The following LRRC41 variants were observed in gnomAD, a reference collection of about 807,000 sequenced individuals.
The protein encoded by LRRC41 is leucine rich repeat containing 41.
LRRC41 carries 17 observed loss-of-function variants against 72.1 expected under a neutral mutation model. The observed-to-expected ratio is 0.24, with a 90% confidence interval of 0.16 to 0.35. The LOEUF is 0.35. Among genes scored for constraint, LRRC41 ranks in the 10% least tolerant of loss-of-function variants. The pLI is 1.00. For missense variants in LRRC41, 759 were observed against 1,065.0 expected, an observed-to-expected ratio of 0.71 and a Z score of 4.00; for synonymous variants, 427 against 431.0, an observed-to-expected ratio of 0.99 and a Z score of 0.11.
In LRRC41 at chr1:46,279,706, A is replaced by G. The variant is rs1294801028; in HGVS notation, c.2021-92T>C. The G allele has an allele frequency of 9.6e-6, 14 of 1,453,308 alleles. No individual in the cohort carries two copies. The East Asian group carries it at 1.1e-4, about 12-fold the overall frequency. The allele number at this position is 1,453,308 out of a possible 1,614,324, so 90.0% of individuals were successfully genotyped here. On this transcript the variant is annotated intron_variant, in intron 7 of 9. Coordinates refer to ENST00000617190, the MANE Select transcript of LRRC41 (RefSeq NM_006369.5). The surrounding 1 kb of genome is among the most constrained non-coding windows in gnomAD (Gnocchi z 4.5). ...GTTGGCCCTAGCAAGGGGTATTAAC[A>G]TTATAGAGGCCCAAAAAGAGGAAGG...
chr1:46,294,288 TG>T (rs1661077393), intron 3 of LRRC41, among the ~76,000 whole-genome samples: 1 of 151,978 alleles, frequency 6.6e-6, no homozygotes, highest in African/African-American at 2.4e-5. Context: ...TTCTATTTTT[TG>T]TAGAGACGGG....
At chr1:46,289,770 AAG>A (rs1660967466) in intron 3 of LRRC41, among the ~76,000 whole-genome samples, 1 of 152,180 alleles carries the variant, frequency 6.6e-6, no homozygotes, top group African/African-American at 2.4e-5. Context: ...CCAAAAAAAA[AAG>A]GAGTCTATGC....
Position 46,278,845 on chromosome 1 carries a change from A to C in LRRC41, c.*20T>G. On this transcript the variant is annotated 3_prime_UTR_variant, in exon 10 of 10. Transcript: ENST00000617190. ...GCAAGCTGATGGTACCGAGCATGAG[A>C]CTGTGAGGTACGGGCCCCATCACAT... The C allele has an allele frequency of 6.2e-7, 1 of 1,602,208 alleles. No individual in the cohort carries two copies.
In LRRC41 at chr1:46,303,285, C is replaced by T. The variant is rs1416432842; in HGVS notation, c.38G>A (p.Trp13Ter). The change falls in exon 1 of 10, where the codon TGG becomes TAG. Residue 13 changes from tryptophan to a stop codon, truncating the protein, a stop_gained. Coordinates refer to ENST00000617190, the MANE Select transcript of LRRC41 (RefSeq NM_006369.5). LOFTEE classifies it high-confidence loss of function. Reference sequence around the variant, plus strand: ...CGTTGCCGCCGCTACCTCACAGAACCAGCAACTCCGGGCGCGCCAGGCCTC... The same window carrying T: ...CGTTGCCGCCGCTACCTCACAGAACTAGCAACTCCGGGCGCGCCAGGCCTC... ...APEAWRARSC[W>*]FCEVAAATTM... 3 of 1,542,364 alleles carry T rather than the reference C, an allele frequency of 1.9e-6. No homozygotes were observed. Among genetic ancestry groups the T allele is most frequent in the South Asian group, 2.4e-5 (2 of 83,796 alleles).
chr1:46,286,643 T>C lies in LRRC41; in HGVS notation c.358-144A>G, dbSNP rs1323919352. On this transcript the variant is annotated intron_variant, in intron 3 of 9. Transcript: ENST00000617190. The surrounding 1 kb of genome is among the most constrained non-coding windows in gnomAD (Gnocchi z 5.5). ...TTCACATCTCTGAGGTATGTATTATTATTAGCCCTATTTTACAGGTAAAAC... is the reference window on the plus strand; with the variant it reads ...TTCACATCTCTGAGGTATGTATTATCATTAGCCCTATTTTACAGGTAAAAC... The C allele has an allele frequency of 1.2e-6, 1 of 814,888 alleles. No homozygotes were observed. The allele number at this position is 814,888 out of a possible 1,614,324, so 50.5% of individuals were successfully genotyped here.
chr1:46,289,972 T>C (rs1660973111), intron 3 of LRRC41, among the ~76,000 whole-genome samples: 2 of 152,126 alleles, frequency 1.3e-5, no homozygotes, highest in Non-Finnish European at 2.9e-5. Flanking sequence ...AGTGGGCTGG[T>C]AGGGGAAGAG....
At chr1:46,294,072 T>C (rs1363957536) in intron 3 of LRRC41, among the ~76,000 whole-genome samples, 1 of 151,910 alleles carries the variant, frequency 6.6e-6, no homozygotes, top group Non-Finnish European at 1.5e-5. Flanking sequence ...TTGGTTTTAT[T>C]CTTTTTTAAA....
chr1:46,291,860 T>C (rs1481957038), intron 3 of LRRC41, among the ~76,000 whole-genome samples: 1 of 151,134 alleles, frequency 6.6e-6, no homozygotes, highest in Non-Finnish European at 1.5e-5. Context: ...ACGCCCAGCC[T>C]AAATTTTCTG....
rs931949220 is a variant in LRRC41 at position 46,302,561 on chromosome 1, C to A, written c.199+563G>T. 1.5e-5 allele frequency: 15 copies of A among 984,940 alleles called. No homozygotes were observed. In the South Asian group the frequency reaches 6.1e-4, roughly 40 times the overall value. 61.0% of individuals were successfully genotyped at this position (984,940 alleles called of 1,614,324 possible). ...TTCGGCCTCTCCCCCTGCCCCATTC[C>A]CTCGCTCTCCAATCTGCTGTCCTCC... is the stretch of plus-strand genomic sequence containing the variant. On this transcript the variant is annotated intron_variant, in intron 1 of 9. Coordinates refer to ENST00000617190, the MANE Select transcript of LRRC41 (RefSeq NM_006369.5). The surrounding 1 kb of genome is among the most constrained non-coding windows in gnomAD (Gnocchi z 4.7).
rs192422712 is a variant in LRRC41 at position 46,288,422 on chromosome 1, T to C, written c.358-1923A>G. Among the ~76,000 whole-genome samples, 13 of 152,338 alleles carry C rather than the reference T, an allele frequency of 8.5e-5. No homozygotes were observed. The East Asian group carries it at 2.3e-3, about 27-fold the overall frequency. ...TGAAGTAGTACAAATTAAAGCACTT[T>C]GTAAACTGTAAGATATAAAAAATGT... On this transcript the variant is annotated intron_variant, in intron 3 of 9. Coordinates refer to ENST00000617190, the MANE Select transcript of LRRC41 (RefSeq NM_006369.5).
rs753940399 is a variant in LRRC41 at position 46,280,432 on chromosome 1, G to A, written c.1885C>T (p.Pro629Ser). Residue 629 changes from proline (P) to serine (S), a missense_variant, in exon 6 of 10, where the codon CCC (proline) becomes TCC (serine). Pro to Ser is a moderately conservative substitution (Grantham distance 74). This residue lies in a region of LRRC41 where 427 missense variants were observed against 520.9 expected (regional missense o/e 0.82). Coordinates refer to ENST00000617190, the MANE Select transcript of LRRC41 (RefSeq NM_006369.5). ...TGCAAAACAAGCCCAAAATCCTGGG[G>A]AGAGGCAAAGGTGGCACTATCCAGG... ...LSLDSATFASPQDFGLVLQTL... is the reference protein window; with the variant it reads ...LSLDSATFASSQDFGLVLQTL... The A allele has an allele frequency of 2.5e-6, 4 of 1,614,212 alleles. No individual in the cohort carries two copies. In the Admixed American group the frequency reaches 6.7e-5, roughly 27 times the overall value.
intron 5 of LRRC41, among the ~76,000 whole-genome samples, chr1:46,280,868 T>A (rs964711576): frequency 1.3e-5 from 2 of 152,138 alleles, no homozygotes; most frequent in African/African-American, 4.8e-5. Context: ...GGGGAACTAA[T>A]CCAGTCTAAA....
In LRRC41 at chr1:46,285,591, G is replaced by T; in HGVS notation, c.1266C>A (p.Gly422=). ...CCATCTCTTCGCCATCCTCCTTCTC[G>T]CCAGCCACAATAAAAACGAAGTCAT... is the stretch of plus-strand genomic sequence containing the variant. ...DLYDFVFIVA[G]EKEDGEEMEI... The change falls in exon 4 of 10, where the codon GGC becomes GGA. Residue 422 remains glycine, a synonymous_variant. Coordinates refer to ENST00000617190, the MANE Select transcript of LRRC41 (RefSeq NM_006369.5). The surrounding 1 kb of genome is among the most constrained non-coding windows in gnomAD (Gnocchi z 5.3). 1 of 1,613,406 alleles carries T rather than the reference G, an allele frequency of 6.2e-7. No homozygotes were observed. Among genetic ancestry groups the T allele is most frequent in the Non-Finnish European group, 8.5e-7 (1 of 1,179,586 alleles).
intron 1 of LRRC41, chr1:46,299,771 G>T (rs1661188616): frequency 6.6e-6 from 1 of 151,908 alleles, no homozygotes; most frequent in South Asian, 2.1e-4. Context: ...CAGCTACTTG[G>T]GAGGCTGAGG....
chr1:46,302,873 C>T lies in LRRC41; in HGVS notation c.199+251G>A. The stretch of plus-strand genomic sequence containing the variant: ...GGGCCCAGCCTGCTTCGCTCCAGAC[C>T]GGGCCTCCTGGCCTCGCCCCCCGCG... On this transcript the variant is annotated intron_variant, in intron 1 of 9. Transcript: ENST00000617190. This position sits in a 1 kb window ranked among gnomAD's most constrained non-coding sequence, Gnocchi z 4.7. 1 of 985,202 alleles carries T rather than the reference C, an allele frequency of 1.0e-6. No individual in the cohort carries two copies. The highest frequency in any genetic ancestry group is 1.2e-6 in the Non-Finnish European group (1 of 829,828). 61.0% of individuals were successfully genotyped at this position (985,202 alleles called of 1,614,324 possible).
intron 3 of LRRC41, among the ~76,000 whole-genome samples, chr1:46,287,360 G>A (rs557646785): frequency 6.3e-4 from 96 of 151,730 alleles, no homozygotes; most frequent in Non-Finnish European, 1.2e-3. Context: ...CGCCCGCCTC[G>A]GCCTCCCAAA....
rs1661293136 is a variant in LRRC41 at position 46,303,479 on chromosome 1, T to G, written c.-157A>C. On this transcript the variant is annotated 5_prime_UTR_variant, in exon 1 of 10. Coordinates refer to ENST00000617190, the MANE Select transcript of LRRC41 (RefSeq NM_006369.5). Reference sequence around the variant, plus strand: ...CACACTTTCCAAGTCTCTTAGGAGCTACTATTTTAGATAAACTCCTAGATC... The same window carrying G: ...CACACTTTCCAAGTCTCTTAGGAGCGACTATTTTAGATAAACTCCTAGATC... 2 of 796,684 alleles carry G rather than the reference T, an allele frequency of 2.5e-6. No individual in the cohort carries two copies. Among genetic ancestry groups the G allele is most frequent in the East Asian group, 5.5e-5 (2 of 36,596 alleles). The allele number at this position is 796,684 out of a possible 1,614,324, so 49.4% of individuals were successfully genotyped here. A position where few individuals can be genotyped will look rare whatever the true frequency, so the allele number is the denominator to read the frequency against.
In LRRC41 at chr1:46,303,358, C is replaced by A. The variant is rs1661290570; in HGVS notation, c.-36G>T. ...TGCGCGAGCCCGAGAGTGTCGCCCG[C>A]GGACCGCCATCTTGAAAAGGTCAGC... On this transcript the variant is annotated 5_prime_UTR_variant, in exon 1 of 10. Transcript: ENST00000617190. 6.8e-7 allele frequency: 1 copy of A among 1,467,626 alleles called. No homozygotes were observed. Among genetic ancestry groups the A allele is most frequent in the Non-Finnish European group, 9.0e-7 (1 of 1,111,170 alleles). The allele number at this position is 1,467,626 out of a possible 1,614,324, so 90.9% of individuals were successfully genotyped here. A position where few individuals can be genotyped will look rare whatever the true frequency, so the allele number is the denominator to read the frequency against.
At position 46,302,102 on chromosome 1, in the gene LRRC41, C is replaced by T. The variant is rs1474680968; in HGVS notation, c.199+1022G>A. On this transcript the variant is annotated intron_variant, in intron 1 of 9. Coordinates refer to ENST00000617190, the MANE Select transcript of LRRC41 (RefSeq NM_006369.5). The surrounding 1 kb of genome is among the most constrained non-coding windows in gnomAD (Gnocchi z 4.7). Reference sequence around the variant, plus strand: ...GCCCAACTGGCCGGTTCGCCCTCCCCGGCCGTTCATCCCGGCGCCCCAGGC... The same window carrying T: ...GCCCAACTGGCCGGTTCGCCCTCCCTGGCCGTTCATCCCGGCGCCCCAGGC... 2.0e-6 allele frequency: 2 copies of T among 985,382 alleles called. No homozygotes were observed. The highest frequency in any genetic ancestry group is 2.4e-6 in the Non-Finnish European group (2 of 829,888). The allele number at this position is 985,382 out of a possible 1,614,324, so 61.0% of individuals were successfully genotyped here. A position where few individuals can be genotyped will look rare whatever the true frequency, so the allele number is the denominator to read the frequency against.
Sources: gnomAD v4.1 joint callset for allele counts (sites outside exome capture counted in the v4.1 genomes callset) on GRCh38, gnomAD v4.1.1 for gene constraint, gnomAD v4.1.1 regional missense constraint, Gnocchi (gnomAD v3.1) non-coding constraint, MANE v1.5 for transcripts, NCBI Gene and HGNC (gene_info 2026-07-23, HGNC 2026-07-21) for gene names.